The following CACNA1A variants were observed in gnomAD, a reference collection of about 807,000 sequenced individuals.
The protein encoded by CACNA1A is voltage-dependent P/Q-type calcium channel subunit alpha-1A.
Under a neutral mutation model 262.4 loss-of-function variants are expected in CACNA1A, and 57 were observed. That is an observed-to-expected ratio of 0.22 (90% CI 0.18 to 0.27). CACNA1A has a LOEUF of 0.27. Among genes scored for constraint, CACNA1A ranks in the 10% least tolerant of loss-of-function variants. The pLI is 1.00. For synonymous variants in CACNA1A, 1,431 were observed against 1,419.3 expected (o/e 1.01, Z -0.18); for missense variants, 2,526 against 3,562.8 (o/e 0.71, Z 7.41).
At chr19:13,266,420 A>C (rs1313346947) in intron 24 of CACNA1A, among the ~76,000 whole-genome samples, 1 of 152,188 alleles carries the variant, frequency 6.6e-6, no homozygotes, top group Non-Finnish European at 1.5e-5. Context: ...GATAGAAAAA[A>C]AGTCAAGGAA....
chr19:13,265,075 G>A (rs534798430), intron 24 of CACNA1A, among the ~76,000 whole-genome samples: 33 of 152,068 alleles, frequency 2.2e-4, no homozygotes, highest in African/African-American at 6.7e-4. Flanking sequence ...GGGTTTCACC[G>A]TGTTGGCCAG....
chr19:13,416,110 A>AT (rs1031785249), intron 3 of CACNA1A, among the ~76,000 whole-genome samples: 2 of 151,816 alleles, frequency 1.3e-5, no homozygotes, highest in African/African-American at 4.8e-5. Context: ...ATTTCGCTTA[A>AT]TTTTTTTTGA....
At chr19:13,379,485 C>T (rs878935954) in intron 3 of CACNA1A, among the ~76,000 whole-genome samples, 2 of 151,914 alleles carry the variant, frequency 1.3e-5, no homozygotes, top group Non-Finnish European at 2.9e-5. Flanking sequence ...GATGTTAGGG[C>T]GATGAGTGCT....
intron 3 of CACNA1A, among the ~76,000 whole-genome samples, chr19:13,395,217 T>A (rs1271924855): frequency 7.2e-6 from 1 of 139,728 alleles, no homozygotes; most frequent in Non-Finnish European, 1.5e-5. Flanking sequence ...GAGGCTGCAG[T>A]GAGCTGAGTT....
chr19:13,351,643 G>A (rs1252457522), intron 6 of CACNA1A, among the ~76,000 whole-genome samples: 2 of 152,200 alleles, frequency 1.3e-5, no homozygotes, highest in African/African-American at 4.8e-5. Flanking sequence ...CTGCGTAGCT[G>A]GGACTACAGG....
chr19:13,488,728 A>G (rs889458931), intron 1 of CACNA1A, among the ~76,000 whole-genome samples: 5 of 152,096 alleles, frequency 3.3e-5, no homozygotes, highest in African/African-American at 1.2e-4. Context: ...CCAAGTGATT[A>G]GAAGGTGCAG....
intron 3 of CACNA1A, among the ~76,000 whole-genome samples, chr19:13,389,062 C>A (rs1016307003): frequency 6.6e-6 from 1 of 152,112 alleles, no homozygotes; most frequent in Non-Finnish European, 1.5e-5. Context: ...GCCACCACGT[C>A]CAGCTAATTT....
chr19:13,490,300 C>A (rs1421721368), intron 1 of CACNA1A, among the ~76,000 whole-genome samples: 1 of 152,120 alleles, frequency 6.6e-6, no homozygotes. Context: ...AAAAGCCACA[C>A]CACCGATAGA....
At chr19:13,302,333 G>A (rs1413055885) in intron 17 of CACNA1A, among the ~76,000 whole-genome samples, 3 of 152,060 alleles carry the variant, frequency 2.0e-5, no homozygotes, top group African/African-American at 4.8e-5. Context: ...CCTGCTCCAC[G>A]GAGGCAGGGA....
chr19:13,359,929 GAGAT>G, intron 5 of CACNA1A, 130 bp from the exon 6 acceptor site: 1 of 495,992 alleles, frequency 2.0e-6, no homozygotes. Context: ...AGTCTTCAAA[GAGAT>G]CAATGTTTGG....
chr19:13,275,960 TGGGG>T lies in CACNA1A; in HGVS notation c.3883-8_3883-5del. 6.2e-7 allele frequency: 1 copy of T among 1,602,286 alleles called. No homozygotes were observed. The highest frequency in any genetic ancestry group is 8.6e-7 in the Non-Finnish European group (1 of 1,169,532). On this transcript the variant is annotated splice_polypyrimidine_tract_variant and splice_region_variant and intron_variant, in intron 23 of 46. Transcript: ENST00000360228. ...GGACGAGCCCCAGGTCAATCATCTG[TGGGG>T]GAGAAGAGAGGGTGCTCAGAACCCC...
At chr19:13,347,666 T>G (rs1350218601) in intron 6 of CACNA1A, among the ~76,000 whole-genome samples, 2 of 152,226 alleles carry the variant, frequency 1.3e-5, no homozygotes, top group Non-Finnish European at 2.9e-5. Context: ...GTCTGCTGTC[T>G]GCCCTTTTTA....
chr19:13,293,406 C>G (rs1568501977), intron 19 of CACNA1A, among the ~76,000 whole-genome samples: 1 of 143,132 alleles, frequency 7.0e-6, no homozygotes, highest in Non-Finnish European at 1.5e-5. Flanking sequence ...AGGAACCACT[C>G]AAAGCATTTT....
intron 1 of CACNA1A, among the ~76,000 whole-genome samples, chr19:13,465,397 C>A (rs751376689): frequency 1.3e-5 from 2 of 152,200 alleles, no homozygotes; most frequent in Non-Finnish European, 2.9e-5. Flanking sequence ...CAAAAAAAAT[C>A]TTCATTGGAC....
chr19:13,415,073 G>T (rs991052354), intron 3 of CACNA1A, among the ~76,000 whole-genome samples: 1 of 152,080 alleles, frequency 6.6e-6, no homozygotes, highest in Non-Finnish European at 1.5e-5. Flanking sequence ...TTTGGGGAAG[G>T]TAGGAACTAC....
intron 10 of CACNA1A, among the ~76,000 whole-genome samples, chr19:13,325,129 TCC>T (rs2058334762): frequency 1.8e-5 from 2 of 113,920 alleles, no homozygotes; most frequent in Non-Finnish European, 3.7e-5. Flanking sequence ...TTCCCATTCC[TCC>T]TCCTCCTCCT....
intron 3 of CACNA1A, chr19:13,451,576 A>G (rs2060916080): frequency 6.6e-6 from 1 of 152,244 alleles, no homozygotes; most frequent in South Asian, 2.1e-4. Context: ...TCTAAGCACA[A>G]TCTGATACTT....
At chr19:13,257,301 T>C in intron 28 of CACNA1A, 49 bp downstream of exon 28, 1 of 1,493,488 alleles carries the variant, frequency 6.7e-7, no homozygotes, top group Non-Finnish European at 9.3e-7. Flanking sequence ...GTTTTAAAGT[T>C]TGTGTGTGTC....
chr19:13,311,068 T>C (rs1304360003), intron 12 of CACNA1A, among the ~76,000 whole-genome samples: 2 of 152,068 alleles, frequency 1.3e-5, no homozygotes, highest in Non-Finnish European at 2.9e-5. Context: ...GCTGGGATTA[T>C]AGGTGTGAGC....
Sources: gnomAD v4.1 joint callset for allele counts (sites outside exome capture counted in the v4.1 genomes callset) on GRCh38, gnomAD v4.1.1 for gene constraint, MANE v1.5 for transcripts, NCBI Gene and HGNC (gene_info 2026-07-23, HGNC 2026-07-21) for gene names.